CDH12: variants seen among roughly 807,000 people sequenced by gnomAD.
CDH12 encodes the protein cadherin-12.
A neutral mutation model predicts 74.1 loss-of-function variants in CDH12; 41 were observed. That is an observed-to-expected ratio of 0.55 (90% CI 0.43 to 0.72). The LOEUF (loss-of-function observed/expected upper bound fraction) is 0.72, where lower values mean the gene tolerates loss of function less well. CDH12 is among the 30% of genes least tolerant of loss of function. CDH12 has a pLI of 0.00. For missense variants in CDH12, 945 were observed against 977.2 expected, an observed-to-expected ratio of 0.97 and a Z score of 0.44; for synonymous variants, 399 against 355.0, an observed-to-expected ratio of 1.12 and a Z score of -1.39.
intron 3 of CDH12, among the ~76,000 whole-genome samples, chr5:22,353,091 C>T (rs1740422964): frequency 1.3e-5 from 2 of 152,074 alleles, no homozygotes; most frequent in South Asian, 4.1e-4. Flanking sequence ...AACAAACAAA[C>T]AACAACAAAA....
intron 4 of CDH12, among the ~76,000 whole-genome samples, chr5:22,177,174 G>A (rs1015747689): frequency 1.3e-5 from 2 of 152,158 alleles, no homozygotes; most frequent in Non-Finnish European, 2.9e-5. Context: ...TTAGCACGTT[G>A]CAGGTTCTGC....
intron 4 of CDH12, among the ~76,000 whole-genome samples, chr5:22,191,782 T>C (rs1178641512): frequency 2.0e-5 from 3 of 151,804 alleles, no homozygotes; most frequent in Admixed American, 1.3e-4. Flanking sequence ...GCCGGGATGG[T>C]CTCGATCTCC....
chr5:21,836,320 A>T (rs1240625863), intron 8 of CDH12, among the ~76,000 whole-genome samples: 1 of 151,792 alleles, frequency 6.6e-6, no homozygotes, highest in Non-Finnish European at 1.5e-5. Context: ...ATATTTAATC[A>T]AAACAGAGAA....
chr5:22,814,331 CTAAAA>C (rs1749287577), intron 1 of CDH12, among the ~76,000 whole-genome samples: 1 of 151,986 alleles, frequency 6.6e-6, no homozygotes, highest in Non-Finnish European at 1.5e-5. Flanking sequence ...TAATTTGAAA[CTAAAA>C]TAAAATTTTT....
intron 1 of CDH12, among the ~76,000 whole-genome samples, chr5:22,845,008 C>G (rs1423457862): frequency 2.0e-5 from 3 of 152,020 alleles, no homozygotes; most frequent in Non-Finnish European, 4.4e-5. Context: ...CTTGAAAGGC[C>G]TTCTTCCCCC....
intron 5 of CDH12, among the ~76,000 whole-genome samples, chr5:22,005,648 T>C (rs1275177863): frequency 6.6e-6 from 1 of 152,128 alleles, no homozygotes; most frequent in East Asian, 1.9e-4. Context: ...TATTTATTGT[T>C]TCTTTATCAT....
intron 3 of CDH12, among the ~76,000 whole-genome samples, chr5:22,330,744 C>CAAAA (rs1212274101): frequency 1.9e-5 from 1 of 52,332 alleles, no homozygotes; most frequent in Non-Finnish European, 4.6e-5. Context: ...AGCGAGACTC[C>CAAAA]AAAAAAAAAA....
chr5:22,842,401 T>A (rs546789356), intron 1 of CDH12, among the ~76,000 whole-genome samples: 7 of 152,110 alleles, frequency 4.6e-5, no homozygotes, highest in Non-Finnish European at 1.0e-4. Flanking sequence ...GAGGAGGGAT[T>A]TACGATCCAA....
chr5:21,880,611 CCTTCCTTCTTTCTTTCT>C lies in CDH12; in HGVS notation c.527-25838_527-25822del, dbSNP rs1752249033. Among the ~76,000 whole-genome samples the C allele has an allele frequency of 1.9e-4, 15 of 79,574 alleles. 1 individual carries two copies. The highest frequency in any genetic ancestry group is 6.9e-4 in the African/African-American group (15 of 21,606). 52.2% of individuals were successfully genotyped at this position (79,574 alleles called of 152,430 possible). ...TCCTTCCTTCCTTCCTTCCTTCCTT[CCTTCCTTCTTTCTTTCT>C]TTCTTTCTTTCTTTCTTTCTTTCTT... On this transcript the variant is annotated intron_variant, in intron 6 of 14. Transcript: ENST00000382254.
intron 1 of CDH12, among the ~76,000 whole-genome samples, chr5:22,799,308 C>T: frequency 6.6e-6 from 1 of 152,024 alleles, no homozygotes; most frequent in East Asian, 1.9e-4. Context: ...ATCATGGAAA[C>T]AGAATTACAG....
intron 1 of CDH12, among the ~76,000 whole-genome samples, chr5:22,826,231 T>C (rs1736316780): frequency 6.6e-6 from 1 of 152,138 alleles, no homozygotes; most frequent in Admixed American, 6.5e-5. Context: ...GTTTTAAAAA[T>C]GGGAGTTGCC....
intron 3 of CDH12, among the ~76,000 whole-genome samples, chr5:22,292,852 T>G (rs1300965806): frequency 1.3e-5 from 2 of 152,180 alleles, no homozygotes. Flanking sequence ...TCCTCAATGT[T>G]GGAAACAGCG....
chr5:22,821,719 A>G (rs62342496), intron 1 of CDH12, among the ~76,000 whole-genome samples: 1 of 151,618 alleles, frequency 6.6e-6, no homozygotes, highest in Non-Finnish European at 1.5e-5. Flanking sequence ...CCACTGCTCA[A>G]TGAAATAAAA....
chr5:22,054,551 A>G (rs1028058466), intron 5 of CDH12, among the ~76,000 whole-genome samples: 7 of 152,116 alleles, frequency 4.6e-5, no homozygotes, highest in African/African-American at 1.7e-4. Flanking sequence ...GAAGAGGGCA[A>G]AATTTTATAA....
intron 1 of CDH12, among the ~76,000 whole-genome samples, chr5:22,734,336 G>T (rs1744578512): frequency 6.6e-6 from 1 of 151,590 alleles, no homozygotes; most frequent in South Asian, 2.1e-4. Flanking sequence ...CATTTTTAGA[G>T]CAACAACATA....
At chr5:22,042,791 G>A (rs1242543263) in intron 5 of CDH12, among the ~76,000 whole-genome samples, 1 of 150,872 alleles carries the variant, frequency 6.6e-6, no homozygotes, top group Non-Finnish European at 1.5e-5. Context: ...TTAGGAGGCA[G>A]AGGTAGGAGG....
intron 6 of CDH12, among the ~76,000 whole-genome samples, chr5:21,944,748 C>G (rs1358921558): frequency 6.6e-6 from 1 of 152,064 alleles, no homozygotes; most frequent in East Asian, 1.9e-4. Flanking sequence ...GTCAGTGGAC[C>G]ATATCAGGGA....
chr5:21,949,014 T>A (rs1187655204), intron 6 of CDH12, among the ~76,000 whole-genome samples: 1 of 152,126 alleles, frequency 6.6e-6, no homozygotes, highest in African/African-American at 2.4e-5. Flanking sequence ...CATGCAGAAC[T>A]GTGACTCAAT....
intron 4 of CDH12, among the ~76,000 whole-genome samples, chr5:22,174,297 T>C (rs1224540184): frequency 1.3e-5 from 2 of 151,942 alleles, no homozygotes; most frequent in Non-Finnish European, 2.9e-5. Context: ...TTGAACTTTG[T>C]AAATACTTCA....
Sources: allele counts gnomAD v4.1 joint callset (sites outside exome capture counted in the v4.1 genomes callset), GRCh38; gene constraint gnomAD v4.1.1; transcripts MANE v1.5; gene names NCBI Gene and HGNC (gene_info 2026-07-23, HGNC 2026-07-21).